The following TSEN15 variants were observed in gnomAD, a reference collection of about 807,000 sequenced individuals.
TSEN15 encodes the protein tRNA splicing endonuclease subunit 15.
In TSEN15, 10 loss-of-function variants were observed where a neutral mutation model predicts 20.5. The observed-to-expected ratio is 0.49, with a 90% CI of 0.30 to 0.83. The LOEUF (loss-of-function observed/expected upper bound fraction) is 0.83, where lower values mean the gene tolerates loss of function less well. Among genes scored for constraint, TSEN15 ranks in the 40% least tolerant of loss-of-function variants. The pLI, the probability that TSEN15 is intolerant of heterozygous loss-of-function variation, is 0.06. For synonymous variants in TSEN15, 72 were observed against 80.1 expected (o/e 0.90, Z 0.54); for missense variants, 180 against 218.6 (o/e 0.82, Z 1.11).
In TSEN15 at chr1:184,055,203, AG is replaced by A. The variant is rs554379655; in HGVS notation, c.353+342del. 332 of 190,166 alleles carry A rather than the reference AG, an allele frequency of 1.7e-3. 1 individual carries two copies. The highest frequency in any genetic ancestry group is 3.0e-3 in the Non-Finnish European group (272 of 91,754). 11.8% of individuals were successfully genotyped at this position (190,166 alleles called of 1,614,324 possible). A position where few individuals can be genotyped will look rare whatever the true frequency, so the allele number is the denominator to read the frequency against. On this transcript the variant is annotated intron_variant, in intron 3 of 4. Coordinates refer to ENST00000645668, the MANE Select transcript of TSEN15 (RefSeq NM_052965.4). ...TGGAGGAAGTTCGTGAAGCAAGAGC[AG>A]GCACATCATATGGCAAAAGCAGGAG...
rs1020346192 is a variant in TSEN15 at position 184,073,951 on chromosome 1, A to T, written c.*1104A>T. 7 of 152,204 alleles carry T rather than the reference A, an allele frequency of 4.6e-5. No individual in the cohort carries two copies. Among genetic ancestry groups the T allele is most frequent in the African/African-American group, 1.4e-4 (6 of 41,452 alleles). The allele number at this position is 152,204 out of a possible 1,614,324, so 9.4% of individuals were successfully genotyped here. On this transcript the variant is annotated 3_prime_UTR_variant, in exon 5 of 5. Transcript: ENST00000645668. The stretch of plus-strand genomic sequence containing the variant: ...CAATAAACAGATATATACAAATGAT[A>T]CATAATGTACTTATTAAAAATTAGT...
intron 3 of TSEN15, chr1:184,095,639 CT>C: frequency 9.2e-6 from 1 of 108,486 alleles, no homozygotes; most frequent in Non-Finnish European, 1.8e-5. Context: ...CCTTCTCTCT[CT>C]CTCTCTCTCT....
chr1:184,079,376 C>G (rs910785339), intron 3 of TSEN15, among the ~76,000 whole-genome samples: 3 of 152,116 alleles, frequency 2.0e-5, no homozygotes, highest in Non-Finnish European at 4.4e-5. Context: ...TTAGCTAGGA[C>G]AACCATTACA....
At chr1:184,084,680 C>T (rs953247293) in intron 3 of TSEN15, among the ~76,000 whole-genome samples, 4 of 151,924 alleles carry the variant, frequency 2.6e-5, no homozygotes, top group African/African-American at 9.7e-5. Flanking sequence ...CAAGGGCCTG[C>T]TTGCTTTATC....
intron 3 of TSEN15, among the ~76,000 whole-genome samples, chr1:184,087,414 C>T (rs1651282574): frequency 6.6e-6 from 1 of 152,132 alleles, no homozygotes; most frequent in Non-Finnish European, 1.5e-5. Context: ...CAGTGCAGGT[C>T]TAGAGAACTA....
At chr1:184,057,922 A>G (rs1206983310) in intron 3 of TSEN15, among the ~76,000 whole-genome samples, 1 of 152,118 alleles carries the variant, frequency 6.6e-6, no homozygotes, top group Non-Finnish European at 1.5e-5. Context: ...TATATCCAAG[A>G]GTCTTAATTC....
intron 3 of TSEN15, among the ~76,000 whole-genome samples, chr1:184,082,961 T>A (rs991869238): frequency 6.6e-6 from 1 of 152,124 alleles, no homozygotes; most frequent in Non-Finnish European, 1.5e-5. Flanking sequence ...TCAAAAATTA[T>A]CCAGTTACAT....
chr1:184,070,588 G>T, intron 3 of TSEN15: 2 of 1,082,010 alleles, frequency 1.8e-6, no homozygotes, highest in Non-Finnish European at 2.5e-6. Flanking sequence ...CTATAAAAAT[G>T]TATCTTTTTC....
At chr1:184,089,873 A>G (rs900821615) in intron 3 of TSEN15, among the ~76,000 whole-genome samples, 2 of 152,048 alleles carry the variant, frequency 1.3e-5, no homozygotes, top group African/African-American at 4.8e-5. Context: ...CTTCCCCATC[A>G]TGCTCCCCAG....
At chr1:184,083,962 G>A (rs922589923) in intron 3 of TSEN15, among the ~76,000 whole-genome samples, 1 of 152,000 alleles carries the variant, frequency 6.6e-6, no homozygotes, top group Admixed American at 6.6e-5. Context: ...CTCCCATCAT[G>A]GGCCTTATTA....
chr1:184,088,667 G>A lies in TSEN15; in HGVS notation c.354-7023G>A, dbSNP rs201421782. On this transcript the variant is annotated intron_variant, in intron 3 of 3. Transcript: ENST00000643231. ...CTGAATGACTTATATGAGTACACAT[G>A]TCATGTTTAATTGTGTTTTTCTACT... 1.9e-4 allele frequency among the ~76,000 whole-genome samples: 23 copies of A among 121,496 alleles called. No individual in the cohort carries two copies. In the East Asian group the frequency reaches 4.4e-3, roughly 23 times the overall value. The allele number at this position is 121,496 out of a possible 152,430, so 79.7% of individuals were successfully genotyped here.
At chr1:184,080,078 T>A (rs1409175312) in intron 3 of TSEN15, among the ~76,000 whole-genome samples, 1 of 152,216 alleles carries the variant, frequency 6.6e-6, no homozygotes, top group East Asian at 1.9e-4. Context: ...TTGGATCATA[T>A]GCAAAGAAAA....
chr1:184,082,783 AT>A (rs1054952151), intron 3 of TSEN15, among the ~76,000 whole-genome samples: 14 of 152,016 alleles, frequency 9.2e-5, no homozygotes. Context: ...TTCTAAACAT[AT>A]TGTTTTTGCC....
downstream of TSEN15, among the ~76,000 whole-genome samples, chr1:184,074,712 G>A (rs1041913643): frequency 6.6e-6 from 1 of 152,078 alleles, no homozygotes; most frequent in Non-Finnish European, 1.5e-5. Context: ...ACAATAACAA[G>A]AATGGAAAAA....
intron 3 of TSEN15, among the ~76,000 whole-genome samples, chr1:184,080,412 T>C (rs1442492600): frequency 6.6e-6 from 1 of 152,186 alleles, no homozygotes; most frequent in Non-Finnish European, 1.5e-5. Flanking sequence ...TACCTAGCAC[T>C]GTATTGTTTT....
intron 3 of TSEN15, among the ~76,000 whole-genome samples, chr1:184,065,828 T>G (rs560107601): frequency 6.6e-6 from 1 of 152,306 alleles, no homozygotes; most frequent in East Asian, 1.9e-4. Context: ...GTTCAGATTT[T>G]TTGCCCATTT....
At chr1:184,068,440 TCC>T (rs753270336) in intron 3 of TSEN15, among the ~76,000 whole-genome samples, 31 of 152,314 alleles carry the variant, frequency 2.0e-4, no homozygotes, top group Non-Finnish European at 3.8e-4. Context: ...GTCCTCACCT[TCC>T]CTCTGCTAGA....
At chr1:184,070,017 A>G (rs141717187) in intron 3 of TSEN15, among the ~76,000 whole-genome samples, 2 of 152,056 alleles carry the variant, frequency 1.3e-5, no homozygotes, top group Non-Finnish European at 2.9e-5. Context: ...TCAACTCTGA[A>G]AACAAAACCC....
chr1:184,062,274 C>T (rs970139437), intron 3 of TSEN15, among the ~76,000 whole-genome samples: 2 of 152,066 alleles, frequency 1.3e-5, no homozygotes, highest in Admixed American at 1.3e-4. Flanking sequence ...GGACAGTACT[C>T]TAGATTGTTT....
Sources: allele counts gnomAD v4.1 joint callset (sites outside exome capture counted in the v4.1 genomes callset), GRCh38; gene constraint gnomAD v4.1.1; transcripts MANE v1.5; gene names NCBI Gene and HGNC (gene_info 2026-07-23, HGNC 2026-07-21).